Variants in GRIP1 observed in about 807,000 individuals in gnomAD.
GRIP1 encodes the protein glutamate receptor interacting protein 1, also known as glutamate receptor-interacting protein 1.
Under a neutral mutation model 129.9 loss-of-function variants are expected in GRIP1, and 45 were observed. That is an observed-to-expected ratio of 0.35 (90% CI 0.27 to 0.44). GRIP1 has a LOEUF of 0.44. Ranked by LOEUF, GRIP1 falls within the 20% of genes least tolerant of loss-of-function variation. GRIP1 has a pLI of 1.00. For missense variants in GRIP1, 1,196 were observed against 1,396.8 expected (o/e 0.86, Z 2.29); for synonymous variants, 530 against 520.8 (o/e 1.02, Z -0.24).
chr12:66,872,810 C>T (rs1212983507), intron 1 of GRIP1, among the ~76,000 whole-genome samples: 1 of 152,068 alleles, frequency 6.6e-6, no homozygotes, highest in East Asian at 1.9e-4. Context: ...GTTAACTATG[C>T]TGTGAAACAA....
At chr12:66,773,522 A>G (rs2037886180) in intron 1 of GRIP1, among the ~76,000 whole-genome samples, 1 of 152,078 alleles carries the variant, frequency 6.6e-6, no homozygotes. Flanking sequence ...ACACACGGAC[A>G]TAGGGAGGGG....
At chr12:66,392,892 T>G (rs2056645763) in intron 17 of GRIP1, 76 bp from the exon 18 acceptor site, 2 of 1,341,014 alleles carry the variant, frequency 1.5e-6, no homozygotes, top group East Asian at 4.6e-5. Flanking sequence ...CTGACATACC[T>G]TATACATTCA....
Position 66,694,695 on chromosome 12 carries a change from C to T in GRIP1, c.-419-64359G>A, listed in dbSNP as rs900030685. ...TGCTGGTGATATTAACTTATTATTT[C>T]TGAGGTCTAATATTCTTCCCCAACC... On this transcript the variant is annotated intron_variant, in intron 1 of 4. Transcript: ENST00000538373. 2.6e-5 allele frequency among the ~76,000 whole-genome samples: 4 copies of T among 152,232 alleles called. No individual in the cohort carries two copies. In the South Asian group the frequency reaches 6.2e-4, roughly 24 times the overall value.
In GRIP1 at chr12:66,379,402, G is replaced by T; in HGVS notation, c.2499C>A (p.Asn833Lys). Residue 833 changes from asparagine (N) to lysine (K), a missense_variant, in exon 20 of 25, where the codon AAC becomes AAA. By Grantham distance (94) the Asn-to-Lys change is moderately conservative. Transcript: ENST00000359742. Reference protein sequence around the residue: ...TSFQASGYNFNTYDWRSPKQR... With the variant: ...TSFQASGYNFKTYDWRSPKQR... Reference sequence around the variant, plus strand: ...GTTTTGGACTCCTCCAGTCATAGGTGTTGAAATTGTATCCTGAGGCCTGAA... The same window carrying T: ...GTTTTGGACTCCTCCAGTCATAGGTTTTGAAATTGTATCCTGAGGCCTGAA... 6.2e-7 allele frequency: 1 copy of T among 1,614,150 alleles called. No individual in the cohort carries two copies. The highest frequency in any genetic ancestry group is 8.5e-7 in the Non-Finnish European group (1 of 1,179,986).
chr12:66,438,714 T>C (rs1245031427), intron 13 of GRIP1, among the ~76,000 whole-genome samples: 1 of 152,154 alleles, frequency 6.6e-6, no homozygotes, highest in East Asian at 1.9e-4. Context: ...CAGGCTGGTC[T>C]GGAATTCCTG....
intron 1 of GRIP1, among the ~76,000 whole-genome samples, chr12:66,696,526 T>A (rs965650298): frequency 6.6e-6 from 1 of 151,798 alleles, no homozygotes; most frequent in African/African-American, 2.4e-5. Context: ...GTGGCTCTCG[T>A]CTGTAATCCC....
chr12:66,963,164 C>G (rs1483155847), intron 1 of GRIP1, among the ~76,000 whole-genome samples: 3 of 151,598 alleles, frequency 2.0e-5, no homozygotes, highest in Admixed American at 2.0e-4. Context: ...CAAAAAAAAA[C>G]ATTAGCCAGG....
chr12:66,804,091 T>A (rs1015322781), exon 1 of GRIP1: 3 of 455,810 alleles, frequency 6.6e-6, no homozygotes, highest in African/African-American at 2.0e-5. Context: ...GACATCCTCA[T>A]AGCCCTCGTG....
chr12:66,539,110 A>T lies in GRIP1; in HGVS notation c.386T>A (p.Val129Asp), dbSNP rs568959118. Reference sequence around the variant, plus strand: ...TGGAAGCTCGTACTCTACTTCAAGAACCACTCTTTCTCCCACATTCTTCAG... The same window carrying T: ...TGGAAGCTCGTACTCTACTTCAAGATCCACTCTTTCTCCCACATTCTTCAG... ...SLLKNVGERVVLEVEYELPPV... is the reference protein window; with the variant it reads ...SLLKNVGERVDLEVEYELPPV... The change falls in exon 4 of 25, where the codon GTT becomes GAT. Residue 129 changes from valine (V) to aspartate (D), a missense_variant. Coordinates refer to ENST00000359742, the MANE Select transcript of GRIP1 (RefSeq NM_001366722.1). The T allele has an allele frequency of 1.9e-6, 3 of 1,613,786 alleles. No individual in the cohort carries two copies. The South Asian group carries it at 3.3e-5, about 18-fold the overall frequency.
chr12:66,625,062 A>G (rs760928084), intron 1 of GRIP1, among the ~76,000 whole-genome samples: 54 of 151,352 alleles, frequency 3.6e-4, no homozygotes, highest in Non-Finnish European at 7.8e-4. Context: ...TTCTTTATTT[A>G]AAACACAAGG....
At chr12:66,955,135 A>G (rs2041819147) in intron 1 of GRIP1, among the ~76,000 whole-genome samples, 1 of 152,200 alleles carries the variant, frequency 6.6e-6, no homozygotes, top group Non-Finnish European at 1.5e-5. Flanking sequence ...TACATAAACC[A>G]TCAGAGGTTG....
intron 1 of GRIP1, among the ~76,000 whole-genome samples, chr12:66,773,508 G>A (rs1375028121): frequency 2.0e-5 from 3 of 152,084 alleles, no homozygotes; most frequent in South Asian, 2.1e-4. Context: ...GTTGAACAAT[G>A]AGAACACACG....
chr12:66,464,213 C>G (rs934597221), intron 8 of GRIP1, among the ~76,000 whole-genome samples: 1 of 152,214 alleles, frequency 6.6e-6, no homozygotes, highest in African/African-American at 2.4e-5. Flanking sequence ...CATAATTCCA[C>G]ATTTTTTGCA....
intron 15 of GRIP1, chr12:66,407,562 G>C (rs557669356): frequency 2.0e-5 from 3 of 152,286 alleles, no homozygotes; most frequent in African/African-American, 7.2e-5. Context: ...GTGAGGGAGA[G>C]ACTGCATTGA....
chr12:67,009,822 T>A (rs1479406606), intron 1 of GRIP1, among the ~76,000 whole-genome samples: 1 of 152,206 alleles, frequency 6.6e-6, no homozygotes, highest in Non-Finnish European at 1.5e-5. Context: ...TAAGATAGTA[T>A]AAGCTGCATT....
intron 1 of GRIP1, among the ~76,000 whole-genome samples, chr12:66,770,723 T>C (rs1310278069): frequency 6.6e-6 from 1 of 152,166 alleles, no homozygotes; most frequent in African/African-American, 2.4e-5. Context: ...CATTTTTATT[T>C]ATAAATAAAA....
At chr12:66,637,979 C>T (rs1735760897) in intron 1 of GRIP1, among the ~76,000 whole-genome samples, 1 of 152,194 alleles carries the variant, frequency 6.6e-6, no homozygotes, top group Non-Finnish European at 1.5e-5. Flanking sequence ...CTACCAAATG[C>T]ACTGTGAACA....
intron 1 of GRIP1, among the ~76,000 whole-genome samples, chr12:66,626,317 G>A (rs1275666373): frequency 6.8e-6 from 1 of 147,926 alleles, no homozygotes; most frequent in Non-Finnish European, 1.5e-5. Context: ...TCCAGCCTGG[G>A]AGACAGAGTA....
intron 5 of GRIP1, among the ~76,000 whole-genome samples, chr12:66,528,466 G>A (rs181220255): frequency 1.3e-5 from 2 of 152,060 alleles, no homozygotes; most frequent in Non-Finnish European, 2.9e-5. Context: ...ATAAGTTGGA[G>A]TCACCTGAAA....
Sources: allele counts gnomAD v4.1 joint callset (sites outside exome capture counted in the v4.1 genomes callset), GRCh38; gene constraint gnomAD v4.1.1; transcripts MANE v1.5; gene names NCBI Gene and HGNC (gene_info 2026-07-23, HGNC 2026-07-21).